MACROH2A1: variants seen among roughly 807,000 people sequenced by gnomAD.
The protein encoded by MACROH2A1 is macroH2A.1 histone.
A neutral mutation model predicts 31.6 loss-of-function variants in MACROH2A1; 2 were observed. The ratio of observed to expected loss-of-function variants is 0.06; its 90% CI spans 0.03 to 0.20. MACROH2A1 has a LOEUF of 0.20. MACROH2A1 is among the 10% of genes least tolerant of loss of function. MACROH2A1 has a pLI of 1.00. For missense variants in MACROH2A1, 230 were observed against 474.0 expected (o/e 0.49, Z 4.78); for synonymous variants, 169 against 189.6 (o/e 0.89, Z 0.89).
rs975473507 is a variant in MACROH2A1, at chr5:135,389,141, G to A, written c.-33-15C>T. ...CAGTGAGCACACTGTGAAGGCGAGAGGCACACCGGTCAGGGTGGCTGGGGA... is the reference window on the plus strand; with the variant it reads ...CAGTGAGCACACTGTGAAGGCGAGAAGCACACCGGTCAGGGTGGCTGGGGA... On this transcript the variant is annotated splice_polypyrimidine_tract_variant and intron_variant, in intron 1 of 8. Coordinates refer to ENST00000511689, the MANE Select transcript of MACROH2A1 (RefSeq NM_138610.3). 8.9e-6 allele frequency: 14 copies of A among 1,578,066 alleles called. No homozygotes were observed. Among genetic ancestry groups the A allele is most frequent in the Non-Finnish European group, 1.1e-5 (13 of 1,154,694 alleles).
intron 2 of MACROH2A1, 22 bp downstream of exon 2, chr5:135,388,899 TG>T (rs1437094666): frequency 6.4e-7 from 1 of 1,567,506 alleles, no homozygotes; most frequent in Admixed American, 1.7e-5. Context: ...CAGTGGTGTC[TG>T]GGTTGACTGA....
upstream of MACROH2A1, chr5:135,399,496 G>A (rs1286919455): frequency 1.3e-5 from 2 of 152,100 alleles, no homozygotes; most frequent in South Asian, 2.1e-4. This position sits in a 1 kb window ranked among gnomAD's most constrained non-coding sequence, Gnocchi z 4.5. Context: ...CTTCTTCAGG[G>A]CGCGTCCCAG....
At chr5:135,348,451 G>A in intron 6 of MACROH2A1, among the ~76,000 whole-genome samples, 1 of 152,198 alleles carries the variant, frequency 6.6e-6, no homozygotes, top group East Asian at 1.9e-4. Flanking sequence ...CTAGGCCTGT[G>A]GTCTATTTCA....
chr5:135,343,608 C>A, intron 7 of MACROH2A1, 174 bp from the exon 8 acceptor site: 1 of 972,062 alleles, frequency 1.0e-6, no homozygotes, highest in Non-Finnish European at 1.5e-6. Context: ...TGAGCTGGAG[C>A]CAAGCCACAC....
At chr5:135,379,516 C>T (rs982276685) in intron 2 of MACROH2A1, among the ~76,000 whole-genome samples, 1 of 152,136 alleles carries the variant, frequency 6.6e-6, no homozygotes, top group African/African-American at 2.4e-5. Context: ...ATGATTAATA[C>T]CCTTTGGGTT....
chr5:135,352,991 T>C lies in MACROH2A1; in HGVS notation c.643A>G (p.Ile215Val). The C allele has an allele frequency of 6.2e-7, 1 of 1,609,300 alleles. No homozygotes were observed. The highest frequency in any genetic ancestry group is 8.5e-7 in the Non-Finnish European group (1 of 1,175,584). ...SNLAGFEVEA[I>V]INPTNADIDL... ...ATGTCAGCATTGGTAGGATTGATTA[T>C]GGCCTCCACCTCAAAGCCGGCTAAA... Residue 215 changes from isoleucine to valine, a missense_variant, in exon 6 of 9, where the codon ATA (isoleucine) becomes GTA (valine). Coordinates refer to ENST00000511689, the MANE Select transcript of MACROH2A1 (RefSeq NM_138610.3).
At chr5:135,397,910 T>C (rs1023340302) in intron 1 of MACROH2A1, among the ~76,000 whole-genome samples, 4 of 152,076 alleles carry the variant, frequency 2.6e-5, no homozygotes, top group Non-Finnish European at 5.9e-5. Flanking sequence ...ACACTTCCCT[T>C]ACCCCCTACT....
intron 6 of MACROH2A1, chr5:135,350,799 C>G (rs767319236): frequency 6.7e-7 from 1 of 1,490,422 alleles, no homozygotes; most frequent in African/African-American, 1.4e-5. Flanking sequence ...CACACACACT[C>G]GGCAGCACCC....
intron 6 of MACROH2A1, among the ~76,000 whole-genome samples, chr5:135,352,504 C>T (rs1761707162): frequency 6.6e-6 from 1 of 152,208 alleles, no homozygotes; most frequent in African/African-American, 2.4e-5. Flanking sequence ...CTAAAGACAG[C>T]TTAATAGCAT....
At chr5:135,365,273 T>G (rs1181260988) in intron 4 of MACROH2A1, among the ~76,000 whole-genome samples, 1 of 152,192 alleles carries the variant, frequency 6.6e-6, no homozygotes, top group East Asian at 1.9e-4. Flanking sequence ...CACAGGCAAG[T>G]CCTATCACGT....
chr5:135,347,898 G>A (rs188060230), intron 6 of MACROH2A1, among the ~76,000 whole-genome samples: 166 of 152,278 alleles, frequency 1.1e-3, no homozygotes, highest in Middle Eastern at 6.8e-3. Flanking sequence ...TAACTCTTTG[G>A]TGAGAACTGA....
chr5:135,392,143 C>A (rs974680263), intron 1 of MACROH2A1, among the ~76,000 whole-genome samples: 35 of 152,314 alleles, frequency 2.3e-4, no homozygotes, highest in Non-Finnish European at 1.0e-4. Context: ...CACTCACAGC[C>A]TCCCTCTGCC....
rs550997679 is a variant in MACROH2A1, at chr5:135,343,040, T to C, written c.953+220A>G. The C allele has an allele frequency of 2.9e-5, 31 of 1,061,726 alleles. 1 individual carries two copies. The South Asian group carries it at 4.8e-4, about 16-fold the overall frequency. The allele number at this position is 1,061,726 out of a possible 1,614,324, so 65.8% of individuals were successfully genotyped here. On this transcript the variant is annotated intron_variant, in intron 8 of 8. Transcript: ENST00000511689. Reference sequence around the variant, plus strand: ...GTTCCCCTTCTGTGATGACATTTGCTATCAAAACTTAAGTTTTATATCATC... The same window carrying C: ...GTTCCCCTTCTGTGATGACATTTGCCATCAAAACTTAAGTTTTATATCATC...
At chr5:135,385,939 C>A (rs931626335) in intron 2 of MACROH2A1, among the ~76,000 whole-genome samples, 1 of 152,178 alleles carries the variant, frequency 6.6e-6, no homozygotes, top group African/African-American at 2.4e-5. Context: ...CAGAGCCTAG[C>A]ACGGTGCCTG....
chr5:135,367,762 G>A (rs977380146), intron 4 of MACROH2A1, among the ~76,000 whole-genome samples: 1 of 152,210 alleles, frequency 6.6e-6, no homozygotes, highest in Non-Finnish European at 1.5e-5. Flanking sequence ...CCTGCTCTGT[G>A]GGCAGCCAGG....
intron 8 of MACROH2A1, among the ~76,000 whole-genome samples, chr5:135,337,723 G>C (rs1016764066): frequency 6.6e-6 from 1 of 152,212 alleles, no homozygotes; most frequent in Non-Finnish European, 1.5e-5. Context: ...CAGATGTTGA[G>C]GATCTGCAAG....
chr5:135,381,403 T>G (rs1183205670), intron 2 of MACROH2A1, among the ~76,000 whole-genome samples: 1 of 152,062 alleles, frequency 6.6e-6, no homozygotes, highest in Non-Finnish European at 1.5e-5. Flanking sequence ...AATAATCATG[T>G]GAAATATATT....
At chr5:135,380,915 T>A (rs995591390) in intron 2 of MACROH2A1, among the ~76,000 whole-genome samples, 12 of 152,210 alleles carry the variant, frequency 7.9e-5, no homozygotes, top group Non-Finnish European at 2.9e-5. Flanking sequence ...TCACTGTATA[T>A]CCTTTGACAG....
intron 8 of MACROH2A1, among the ~76,000 whole-genome samples, chr5:135,341,028 T>C (rs1404113502): frequency 6.6e-6 from 1 of 152,270 alleles, no homozygotes; most frequent in Non-Finnish European, 1.5e-5. Context: ...TGAGAATTAC[T>C]TTTATGCTTC....
Sources: allele counts gnomAD v4.1 joint callset (sites outside exome capture counted in the v4.1 genomes callset), GRCh38; gene constraint gnomAD v4.1.1; non-coding constraint Gnocchi (gnomAD v3.1); transcripts MANE v1.5; gene names NCBI Gene and HGNC (gene_info 2026-07-23, HGNC 2026-07-21).